CSMD2: variants seen among roughly 807,000 people sequenced by gnomAD.
The protein encoded by CSMD2 is CUB and sushi domain-containing protein 2.
In CSMD2, 130 loss-of-function variants were observed where a neutral mutation model predicts 398.5. That is an observed-to-expected ratio of 0.33 (90% CI 0.28 to 0.38). The LOEUF (loss-of-function observed/expected upper bound fraction) is 0.38. CSMD2 is among the 10% of genes least tolerant of loss of function. The pLI is 1.00. For synonymous variants in CSMD2, 1,828 were observed against 1,908.5 expected, an observed-to-expected ratio of 0.96 and a Z score of 1.10; for missense variants, 3,829 against 4,764.9, an observed-to-expected ratio of 0.80 and a Z score of 5.78.
At chr1:34,088,749 T>A (rs1355251638) in intron 2 of CSMD2, among the ~76,000 whole-genome samples, 4 of 152,206 alleles carry the variant, frequency 2.6e-5, no homozygotes, top group Non-Finnish European at 4.4e-5. Flanking sequence ...AGAACCCTCT[T>A]GTGTTTTCTC....
intron 27 of CSMD2, among the ~76,000 whole-genome samples, chr1:33,655,054 C>G (rs1467991383): frequency 3.3e-5 from 5 of 152,250 alleles, no homozygotes; most frequent in Non-Finnish European, 7.3e-5. Context: ...GCTGCCTCGC[C>G]AACAGGAAGG....
At chr1:33,712,498 C>A (rs896714240) in intron 21 of CSMD2, among the ~76,000 whole-genome samples, 1 of 152,198 alleles carries the variant, frequency 6.6e-6, no homozygotes, top group African/African-American at 2.4e-5. Context: ...GGCAGCAGGG[C>A]TGGTGGTAAT....
At chr1:33,738,082 G>C (rs1469889007) in intron 15 of CSMD2, among the ~76,000 whole-genome samples, 2 of 151,976 alleles carry the variant, frequency 1.3e-5, no homozygotes, top group African/African-American at 4.8e-5. Flanking sequence ...TGTAAGCTCT[G>C]GGTAATACTC....
chr1:33,645,344 T>TATAC (rs1035422303), intron 29 of CSMD2, among the ~76,000 whole-genome samples: 4 of 136,272 alleles, frequency 2.9e-5, no homozygotes, highest in Non-Finnish European at 6.3e-5. Context: ...TGGAGCATTA[T>TATAC]ACACACACAC....
chr1:34,159,201 GCAAGAAATTC>G (rs1297003627), intron 1 of CSMD2, among the ~76,000 whole-genome samples: 3 of 152,162 alleles, frequency 2.0e-5, no homozygotes, highest in Non-Finnish European at 4.4e-5. Flanking sequence ...ACCTCACTAA[GCAAGAAATTC>G]CAATATGTCC....
intron 9 of CSMD2, among the ~76,000 whole-genome samples, chr1:33,817,400 A>C (rs1373719402): frequency 1.3e-5 from 2 of 152,210 alleles, no homozygotes; most frequent in Non-Finnish European, 2.9e-5. Context: ...TAGGCGGGGA[A>C]GATTTTGTTT....
chr1:33,569,450 T>C lies in CSMD2; in HGVS notation c.8055A>G (p.Gly2685=). The C allele has an allele frequency of 6.2e-7, 1 of 1,614,102 alleles. No homozygotes were observed. Among genetic ancestry groups the C allele is most frequent in the Non-Finnish European group, 8.5e-7 (1 of 1,180,016 alleles). The change falls in exon 52 of 71, where the codon GGA becomes GGG. Residue 2685 remains glycine, a synonymous_variant. Coordinates refer to ENST00000373381, the MANE Select transcript of CSMD2 (RefSeq NM_001281956.2). ...GCACCCTGGAGCCCACCAGTGTGTATCCGGAATTGCAGGAGAAGATGGCTG... is the reference window on the plus strand; with the variant it reads ...GCACCCTGGAGCCCACCAGTGTGTACCCGGAATTGCAGGAGAAGATGGCTG... The part of the protein sequence containing the change: ...GATAIFSCNS[G]YTLVGSRVRE...
At chr1:33,946,721 C>T (rs1486283140) in intron 3 of CSMD2, among the ~76,000 whole-genome samples, 1 of 151,302 alleles carries the variant, frequency 6.6e-6, no homozygotes, top group African/African-American at 2.4e-5. Context: ...CAGGTTCAAG[C>T]GAGTCTCCTG....
chr1:33,772,738 G>A lies in CSMD2; in HGVS notation c.1677C>T (p.Gly559=). ...FKASYEEIEQ[G]SCGDPGIPAY... is the part of the protein sequence containing the mutation. ...CAGGTATGCCAGGGTCACCGCAACT[G>A]CCCTGCTCGATCTCTGAAAGACAGG... is the stretch of plus-strand genomic sequence containing the variant. The change falls in exon 13 of 71, where the codon GGC becomes GGT. Residue 559 remains glycine (G), a synonymous_variant. Transcript: ENST00000373381. 1 of 1,611,340 alleles carries A rather than the reference G, an allele frequency of 6.2e-7. No individual in the cohort carries two copies. Among genetic ancestry groups the A allele is most frequent in the Non-Finnish European group, 8.5e-7 (1 of 1,177,778 alleles).
At position 33,614,582 on chromosome 1, in the gene CSMD2, T is replaced by C; in HGVS notation, c.6055A>G (p.Ile2019Val). 1 of 1,612,818 alleles carries C rather than the reference T, an allele frequency of 6.2e-7. No individual in the cohort carries two copies. Among genetic ancestry groups the C allele is most frequent in the Non-Finnish European group, 8.5e-7 (1 of 1,179,034 alleles). ...GGTVEEMEGV[I>V]LSPGFPGNYP... ...TTGCCTGGGAAGCCGGGGCTCAGGATCACCCCCTCCATCTCCTCCACTGTT... is the reference window on the plus strand; with the variant it reads ...TTGCCTGGGAAGCCGGGGCTCAGGACCACCCCCTCCATCTCCTCCACTGTT... The change falls in exon 40 of 71, where the codon ATC (isoleucine) becomes GTC (valine). Residue 2019 changes from isoleucine (I) to valine (V), a missense_variant. By Grantham distance (29) the Ile-to-Val change is conservative. Transcript: ENST00000373381.
At chr1:33,794,165 C>G (rs1654672457) in intron 10 of CSMD2, among the ~76,000 whole-genome samples, 1 of 152,198 alleles carries the variant, frequency 6.6e-6, no homozygotes, top group Non-Finnish European at 1.5e-5. Flanking sequence ...AGAGCCTTAC[C>G]CCAAGGTGCT....
At chr1:34,077,736 CAAAAAAAAAAAAAAA>C (rs59532141) in intron 2 of CSMD2, among the ~76,000 whole-genome samples, 4 of 38,350 alleles carry the variant, frequency 1.0e-4, no homozygotes, top group Non-Finnish European at 1.8e-4. Context: ...GACTCCATCT[CAAAAAAAAAAAAAAA>C]AAAAAAAAAA....
At position 33,569,492 on chromosome 1, in the gene CSMD2, C is replaced by G. The variant is rs759916101; in HGVS notation, c.8013G>C (p.Leu2671=). 13 of 1,614,072 alleles carry G rather than the reference C, an allele frequency of 8.1e-6. No homozygotes were observed. The South Asian group carries it at 1.2e-4, about 15-fold the overall frequency. ...AGATGGCTGTTGCCCCGTAGACAGA[C>G]AGTGTTCCGATGCGGTGGCCATTGG... The part of the protein sequence containing the change: ...IPPNGHRIGT[L]SVYGATAIFS... The change falls in exon 52 of 71, where the codon CTG becomes CTC. Residue 2671 remains leucine, a synonymous_variant. Coordinates refer to ENST00000373381, the MANE Select transcript of CSMD2 (RefSeq NM_001281956.2).
chr1:33,726,588 A>G lies in CSMD2; in HGVS notation c.2466T>C (p.Ile822=). 1 of 1,613,272 alleles carries G rather than the reference A, an allele frequency of 6.2e-7. No individual in the cohort carries two copies. Among genetic ancestry groups the G allele is most frequent in the African/African-American group, 1.3e-5 (1 of 75,034 alleles). Residue 822 remains isoleucine (I), a synonymous_variant, in exon 16 of 71, where the codon ATT becomes ATC. Coordinates refer to ENST00000373381, the MANE Select transcript of CSMD2 (RefSeq NM_001281956.2). ...YKDALSCAWV[I]EAQPGYPIKI... Reference sequence around the variant, plus strand: ...TGATGGGGTAGCCTGGCTGGGCCTCAATCACCCAGGCACAGCTCAAGGCAT... The same window carrying G: ...TGATGGGGTAGCCTGGCTGGGCCTCGATCACCCAGGCACAGCTCAAGGCAT...
intron 2 of CSMD2, among the ~76,000 whole-genome samples, chr1:34,035,977 C>A (rs1298934569): frequency 1.3e-5 from 2 of 152,144 alleles, no homozygotes; most frequent in African/African-American, 2.4e-5. Flanking sequence ...TTACTACATA[C>A]CCATTGGAAC....
intron 53 of CSMD2, among the ~76,000 whole-genome samples, chr1:33,562,575 G>A (rs1163503388): frequency 6.6e-6 from 1 of 152,238 alleles, no homozygotes; most frequent in Non-Finnish European, 1.5e-5. Flanking sequence ...GTCTCAAGCA[G>A]CATGGCCATG....
chr1:33,854,195 A>T (rs1216326681), intron 5 of CSMD2, among the ~76,000 whole-genome samples: 3 of 152,088 alleles, frequency 2.0e-5, no homozygotes, highest in African/African-American at 7.2e-5. Flanking sequence ...CCCTCTGGGC[A>T]CCCTGCACTT....
intron 2 of CSMD2, among the ~76,000 whole-genome samples, chr1:34,081,472 G>A (rs560615985): frequency 6.8e-5 from 10 of 146,874 alleles, no homozygotes; most frequent in East Asian, 2.1e-4. Context: ...CTCTGTTGCC[G>A]AGGCTGGATT....
chr1:34,161,016 A>G (rs1641277735), intron 1 of CSMD2, among the ~76,000 whole-genome samples: 2 of 152,204 alleles, frequency 1.3e-5, no homozygotes, highest in South Asian at 2.1e-4. Context: ...AGCTTTTTCA[A>G]TGCTCAGAGC....
Sources: gnomAD v4.1 joint callset for allele counts (sites outside exome capture counted in the v4.1 genomes callset) on GRCh38, gnomAD v4.1.1 for gene constraint, MANE v1.5 for transcripts, NCBI Gene and HGNC (gene_info 2026-07-23, HGNC 2026-07-21) for gene names.